Variants in ZNF362 observed in about 807,000 individuals in gnomAD.
ZNF362 encodes the protein rotund homolog.
In ZNF362, 11 loss-of-function variants were observed where a neutral mutation model predicts 42.9. The observed-to-expected ratio is 0.26, with a 90% CI of 0.16 to 0.42. The LOEUF (loss-of-function observed/expected upper bound fraction) is 0.42. ZNF362 is among the 20% of genes least tolerant of loss of function. ZNF362 has a pLI of 1.00. For synonymous variants in ZNF362, 255 were observed against 257.3 expected, an observed-to-expected ratio of 0.99 and a Z score of 0.09; for missense variants, 362 against 576.2, an observed-to-expected ratio of 0.63 and a Z score of 3.81.
At chr1:33,273,215 C>T (rs1645918494) in intron 2 of ZNF362, among the ~76,000 whole-genome samples, 2 of 152,266 alleles carry the variant, frequency 1.3e-5, no homozygotes, top group South Asian at 4.1e-4. Context: ...CCTGCCTTCC[C>T]TGTGCCTGTC....
the ZNF362 span, among the ~76,000 whole-genome samples, chr1:33,135,798 G>C: frequency 6.6e-6 from 1 of 152,188 alleles, no homozygotes; most frequent in Non-Finnish European, 1.5e-5. Context: ...GTCACCATCA[G>C]CTCTTTGATA....
chr1:33,270,648 A>G (rs1645895874), intron 2 of ZNF362, 36 bp downstream of exon 2: 7 of 1,606,982 alleles, frequency 4.4e-6, no homozygotes, highest in Admixed American at 1.7e-5. Context: ...CACTCTGTCA[A>G]TGAGGGTTTG....
At chr1:33,201,511 T>C in the ZNF362 span, among the ~76,000 whole-genome samples, 1 of 152,216 alleles carries the variant, frequency 6.6e-6, no homozygotes, top group Non-Finnish European at 1.5e-5. Context: ...TGCAAGTATT[T>C]AGAAACTGAA....
intron 1 of ZNF362, among the ~76,000 whole-genome samples, chr1:33,258,109 C>T (rs1379734095): frequency 2.6e-5 from 4 of 152,232 alleles, no homozygotes; most frequent in Non-Finnish European, 5.9e-5. Flanking sequence ...CGGTGTGAGC[C>T]TCACCCCTGT....
the ZNF362 span, among the ~76,000 whole-genome samples, chr1:33,177,062 CACAT>C: frequency 1.6e-5 from 1 of 64,096 alleles, no homozygotes; most frequent in East Asian, 5.0e-4. This position sits in a 1 kb window ranked among gnomAD's most constrained non-coding sequence, Gnocchi z 4.1. Flanking sequence ...CACACACACA[CACAT>C]GCACACACAC....
the ZNF362 span, among the ~76,000 whole-genome samples, chr1:33,150,987 C>T: frequency 3.9e-5 from 6 of 152,174 alleles, no homozygotes; most frequent in South Asian, 1.0e-3. Context: ...AGGCAGCAAC[C>T]GAGGCTCAGG....
chr1:33,214,466 A>G, the ZNF362 span, among the ~76,000 whole-genome samples: 1 of 152,256 alleles, frequency 6.6e-6, no homozygotes, highest in African/African-American at 2.4e-5. Context: ...CCTCAAAGGC[A>G]CAGACAACCA....
At chr1:33,288,641 A>G (rs961843265) in intron 6 of ZNF362, among the ~76,000 whole-genome samples, 1 of 149,596 alleles carries the variant, frequency 6.7e-6, no homozygotes, top group African/African-American at 2.4e-5. Context: ...GCTACTTGGG[A>G]GGCTGAGGCA....
chr1:33,245,649 G>GTC, the ZNF362 span, among the ~76,000 whole-genome samples: 68 of 152,164 alleles, frequency 4.5e-4, no homozygotes, highest in Non-Finnish European at 9.3e-4. Flanking sequence ...TATAAGAGAT[G>GTC]GAAGGAAGCC....
the ZNF362 span, among the ~76,000 whole-genome samples, chr1:33,160,286 A>G: frequency 6.6e-6 from 1 of 152,082 alleles, no homozygotes; most frequent in Non-Finnish European, 1.5e-5. Flanking sequence ...GGAGCTGGGG[A>G]TAATGCCCAG....
the ZNF362 span, among the ~76,000 whole-genome samples, chr1:33,209,075 T>C: frequency 1.3e-5 from 2 of 152,190 alleles, no homozygotes; most frequent in Admixed American, 6.5e-5. Flanking sequence ...ATAGCTCTTA[T>C]TATTTTGAGA....
intron 8 of ZNF362, among the ~76,000 whole-genome samples, chr1:33,295,839 G>A (rs187563579): frequency 2.6e-4 from 39 of 152,270 alleles, no homozygotes; most frequent in African/African-American, 8.2e-4. Flanking sequence ...GTGTGCTTCT[G>A]TTTGATCTAA....
chr1:33,160,066 TG>T, the ZNF362 span: 15 of 1,264,322 alleles, frequency 1.2e-5, no homozygotes, highest in Non-Finnish European at 1.6e-5. Context: ...GCACGCGTGG[TG>T]GGGGAAATGT....
the ZNF362 span, chr1:33,147,576 A>G: frequency 5.6e-6 from 9 of 1,613,692 alleles, no homozygotes; most frequent in African/African-American, 1.1e-4. The surrounding 1 kb of genome is among the most constrained non-coding windows in gnomAD (Gnocchi z 8.1). Flanking sequence ...TGAAGGCTTC[A>G]GAACCCAGCA....
the ZNF362 span, among the ~76,000 whole-genome samples, chr1:33,179,988 TTTTG>T: frequency 6.7e-3 from 1,020 of 152,232 alleles, 7 homozygotes; most frequent in African/African-American, 0.018. Context: ...GTTCTAATGT[TTTTG>T]TTTGTTTGTT....
At chr1:33,263,475 A>G (rs1453000909) in intron 1 of ZNF362, among the ~76,000 whole-genome samples, 3 of 151,932 alleles carry the variant, frequency 2.0e-5, no homozygotes, top group East Asian at 1.9e-4. Context: ...CAGTGGCACA[A>G]TCTTGGCTCG....
chr1:33,229,705 C>T, the ZNF362 span, among the ~76,000 whole-genome samples: 2 of 151,914 alleles, frequency 1.3e-5, no homozygotes, highest in African/African-American at 4.8e-5. Context: ...ACTCCCGGCC[C>T]TATTCTGCCT....
chr1:33,216,674 G>A, the ZNF362 span, among the ~76,000 whole-genome samples: 1 of 148,918 alleles, frequency 6.7e-6, no homozygotes, highest in Non-Finnish European at 1.5e-5. Flanking sequence ...CTGGAGGAAA[G>A]AACATTTATT....
In ZNF362 at chr1:33,281,460, C is replaced by A; in HGVS notation, c.684-127C>A. On this transcript the variant is annotated intron_variant, in intron 5 of 8. Coordinates refer to ENST00000539719, the MANE Select transcript of ZNF362 (RefSeq NM_152493.3). The surrounding 1 kb of genome is among the most constrained non-coding windows in gnomAD (Gnocchi z 4.8). ...TGTCCCCTGTCTTTCCCAGGTGGTCCTGTGCTTCTTGGGCTCATCACAGGA... is the reference window on the plus strand; with the variant it reads ...TGTCCCCTGTCTTTCCCAGGTGGTCATGTGCTTCTTGGGCTCATCACAGGA... The A allele has an allele frequency of 2.3e-6, 2 of 857,886 alleles. No individual in the cohort carries two copies. The highest frequency in any genetic ancestry group is 3.7e-6 in the Non-Finnish European group (2 of 538,764). 53.1% of individuals were successfully genotyped at this position (857,886 alleles called of 1,614,324 possible). A position where few individuals can be genotyped will look rare whatever the true frequency, so the allele number is the denominator to read the frequency against.
Sources: allele counts gnomAD v4.1 joint callset (sites outside exome capture counted in the v4.1 genomes callset), GRCh38; gene constraint gnomAD v4.1.1; non-coding constraint Gnocchi (gnomAD v3.1); transcripts MANE v1.5; gene names NCBI Gene and HGNC (gene_info 2026-07-23, HGNC 2026-07-21).